Variants in CNBD1 observed in about 807,000 individuals in gnomAD.
The protein encoded by CNBD1 is cyclic nucleotide binding domain containing 1.
A neutral mutation model predicts 54.4 loss-of-function variants in CNBD1; 71 were observed. That is an observed-to-expected ratio of 1.30 (90% confidence interval 1.08 to 1.59). The LOEUF is 1.59. Among genes scored for constraint, CNBD1 ranks in the 40% most tolerant of loss-of-function variants. The probability of loss-of-function intolerance (pLI) is 0.00; values close to 1 mark genes in which losing one functional copy is unlikely to be tolerated. For synonymous variants in CNBD1, 182 were observed against 170.7 expected (o/e 1.07, Z -0.51); for missense variants, 659 against 518.0 (o/e 1.27, Z -2.64).
chr8:87,068,446 TA>T (rs1810698107), intron 4 of CNBD1, among the ~76,000 whole-genome samples: 1 of 152,040 alleles, frequency 6.6e-6, no homozygotes, highest in East Asian at 1.9e-4. Context: ...AATTGGGTTT[TA>T]TGTAAAGAAA....
intron 8 of CNBD1, among the ~76,000 whole-genome samples, chr8:87,327,563 T>A (rs1479219811): frequency 1.3e-5 from 2 of 152,132 alleles, no homozygotes; most frequent in Non-Finnish European, 1.5e-5. Flanking sequence ...AGTGACCCGA[T>A]TTTCCAGGTG....
At chr8:87,045,502 G>A (rs552248873) in intron 4 of CNBD1, among the ~76,000 whole-genome samples, 1 of 152,132 alleles carries the variant, frequency 6.6e-6, no homozygotes, top group Admixed American at 6.5e-5. Context: ...GAGGCGGGCG[G>A]ATCACGAGGT....
intron 4 of CNBD1, among the ~76,000 whole-genome samples, chr8:87,027,176 T>C (rs1411486252): frequency 9.1e-6 from 1 of 109,780 alleles, no homozygotes; most frequent in African/African-American, 4.4e-5. Context: ...CTCACCAGTT[T>C]AGAGGCTACT....
rs1364986372 is a variant in CNBD1, at chr8:87,377,870, C to T, written c.1304-4750C>T. 9.9e-5 allele frequency among the ~76,000 whole-genome samples: 15 copies of T among 151,520 alleles called. No homozygotes were observed. In the South Asian group the frequency reaches 1.2e-3, roughly 13 times the overall value. ...CTAACTGGTGTGAGATGATATCTCA[C>T]TGTGGTTTCGATTTGCATTTCTCTG... is the stretch of plus-strand genomic sequence containing the variant. On this transcript the variant is annotated intron_variant, in intron 10 of 10. Coordinates refer to ENST00000518476, the MANE Select transcript of CNBD1 (RefSeq NM_173538.3).
chr8:87,303,790 G>A (rs1333988670), intron 8 of CNBD1, among the ~76,000 whole-genome samples: 1 of 146,892 alleles, frequency 6.8e-6, no homozygotes, highest in African/African-American at 2.5e-5. Flanking sequence ...AAATTTACAA[G>A]AAAAAAAATA....
chr8:87,183,041 T>A (rs1199206481), intron 4 of CNBD1, among the ~76,000 whole-genome samples: 1 of 152,156 alleles, frequency 6.6e-6, no homozygotes, highest in Non-Finnish European at 1.5e-5. Flanking sequence ...GGGTCTTACA[T>A]TTAAGTCTTT....
At chr8:86,997,477 C>G (rs549631376) in intron 4 of CNBD1, among the ~76,000 whole-genome samples, 1 of 152,082 alleles carries the variant, frequency 6.6e-6, no homozygotes, top group Non-Finnish European at 1.5e-5. Context: ...ACTTTTAGTC[C>G]TCCTTGAAAA....
chr8:87,291,669 G>A (rs1808788406), intron 8 of CNBD1, among the ~76,000 whole-genome samples: 1 of 151,876 alleles, frequency 6.6e-6, no homozygotes, highest in Non-Finnish European at 1.5e-5. Flanking sequence ...GGGGCACAGG[G>A]GACAAGGTCT....
At chr8:87,077,687 G>A (rs1354086951) in intron 4 of CNBD1, among the ~76,000 whole-genome samples, 2 of 151,532 alleles carry the variant, frequency 1.3e-5, no homozygotes, top group African/African-American at 2.4e-5. Flanking sequence ...CTGTCATAGC[G>A]AGAGTTTGCT....
intron 10 of CNBD1, among the ~76,000 whole-genome samples, chr8:87,355,647 G>A (rs1332491651): frequency 2.0e-5 from 3 of 152,108 alleles, no homozygotes; most frequent in South Asian, 2.1e-4. Context: ...GGGAGTAAAG[G>A]ATGAAAGCAA....
At chr8:87,328,365 A>T (rs1208385767) in intron 8 of CNBD1, among the ~76,000 whole-genome samples, 1 of 151,680 alleles carries the variant, frequency 6.6e-6, no homozygotes, top group Admixed American at 6.6e-5. Context: ...TAACTACTTT[A>T]TTTAATATTT....
At chr8:86,930,211 G>T (rs1395471211) in intron 3 of CNBD1, among the ~76,000 whole-genome samples, 2 of 152,222 alleles carry the variant, frequency 1.3e-5, no homozygotes, top group African/African-American at 4.8e-5. Context: ...GGACAAGCCA[G>T]TATAGGCTGT....
At chr8:87,336,615 T>C (rs1415781646) in intron 8 of CNBD1, among the ~76,000 whole-genome samples, 2 of 152,160 alleles carry the variant, frequency 1.3e-5, no homozygotes, top group African/African-American at 4.8e-5. Flanking sequence ...GTCAAGGTTC[T>C]CAGCTTTTTT....
At chr8:86,933,105 A>T (rs529955927) in intron 3 of CNBD1, among the ~76,000 whole-genome samples, 51 of 152,272 alleles carry the variant, frequency 3.3e-4, no homozygotes, top group African/African-American at 1.1e-3. Flanking sequence ...TGGAAGAGTG[A>T]TGCCTTTTGT....
At chr8:87,355,952 T>A (rs761327780) in intron 10 of CNBD1, among the ~76,000 whole-genome samples, 7 of 152,064 alleles carry the variant, frequency 4.6e-5, no homozygotes, top group Non-Finnish European at 1.0e-4. Flanking sequence ...TATTAGTTCA[T>A]GAAAGAGCTG....
chr8:86,990,189 A>G (rs1808714371), intron 4 of CNBD1, among the ~76,000 whole-genome samples: 1 of 152,112 alleles, frequency 6.6e-6, no homozygotes, highest in African/African-American at 2.4e-5. Flanking sequence ...GCTGTGCAGA[A>G]GCTTTATAAC....
intron 8 of CNBD1, among the ~76,000 whole-genome samples, chr8:87,335,440 T>C (rs1809924247): frequency 6.6e-6 from 1 of 152,166 alleles, no homozygotes; most frequent in African/African-American, 2.4e-5. Flanking sequence ...GTTGAATTGA[T>C]CCCTTTATCA....
chr8:87,060,769 T>C (rs987205641), intron 4 of CNBD1, among the ~76,000 whole-genome samples: 11 of 152,096 alleles, frequency 7.2e-5, no homozygotes, highest in Non-Finnish European at 1.3e-4. Flanking sequence ...AATGTTTTCA[T>C]TAAATATGAA....
intron 2 of CNBD1, among the ~76,000 whole-genome samples, chr8:87,406,475 CACACTTT>C (rs746259302): frequency 8.4e-5 from 9 of 106,588 alleles, no homozygotes; most frequent in African/African-American, 3.3e-4. Flanking sequence ...CACACACACA[CACACTTT>C]TTTTTTTTTT....
Sources: allele counts gnomAD v4.1 joint callset (sites outside exome capture counted in the v4.1 genomes callset), GRCh38; gene constraint gnomAD v4.1.1; transcripts MANE v1.5; gene names NCBI Gene and HGNC (gene_info 2026-07-23, HGNC 2026-07-21).